The following RANBP17 variants were observed in gnomAD, a reference collection of about 807,000 sequenced individuals.
RANBP17 encodes ran-binding protein 17.
Under a neutral mutation model 141.2 loss-of-function variants are expected in RANBP17, and 158 were observed. The ratio of observed to expected loss-of-function variants is 1.12; its 90% CI spans 0.98 to 1.28. The LOEUF is 1.28. Among genes scored for constraint, RANBP17 ranks in the 50% most tolerant of loss-of-function variants. The pLI is 0.00. For synonymous variants in RANBP17, 430 were observed against 450.0 expected (o/e 0.96, Z 0.56); for missense variants, 1,438 against 1,290.7 (o/e 1.11, Z -1.75).
rs564193084 is a variant in RANBP17, at chr5:171,298,845, A to T, written c.3254A>T (p.Asp1085Val). ...SDGNTEPCSL[D>V]MMS ...GGCAACACTGAACCATGCAGTCTCGACATGATGAGCTGACCCGACTTTTCT... is the reference window on the plus strand; with the variant it reads ...GGCAACACTGAACCATGCAGTCTCGTCATGATGAGCTGACCCGACTTTTCT... Residue 1085 changes from aspartate to valine, a missense_variant, in exon 28 of 28, where the codon GAC becomes GTC. Coordinates refer to ENST00000523189, the MANE Select transcript of RANBP17 (RefSeq NM_022897.5). 6 of 1,613,994 alleles carry T rather than the reference A, an allele frequency of 3.7e-6. No individual in the cohort carries two copies. The highest frequency in any genetic ancestry group is 1.6e-4 in the Middle Eastern group (1 of 6,062).
At chr5:170,998,021 G>A (rs1025154417) in intron 14 of RANBP17, among the ~76,000 whole-genome samples, 7 of 151,586 alleles carry the variant, frequency 4.6e-5, no homozygotes, top group East Asian at 1.9e-4. Flanking sequence ...AGGCTGAGGC[G>A]GGCGGATCAC....
chr5:171,090,338 T>C (rs1157032261), intron 14 of RANBP17, among the ~76,000 whole-genome samples: 1 of 152,178 alleles, frequency 6.6e-6, no homozygotes, highest in Non-Finnish European at 1.5e-5. Flanking sequence ...TAGAGATTTG[T>C]GGAATTTGAA....
intron 14 of RANBP17, among the ~76,000 whole-genome samples, chr5:171,112,591 C>G (rs1477363655): frequency 6.6e-6 from 1 of 152,010 alleles, no homozygotes; most frequent in Non-Finnish European, 1.5e-5. Flanking sequence ...AAAGGAAACA[C>G]TGATTGACGG....
intron 5 of RANBP17, among the ~76,000 whole-genome samples, chr5:170,907,093 T>A (rs1251507508): frequency 6.6e-6 from 1 of 151,866 alleles, no homozygotes; most frequent in African/African-American, 2.4e-5. Context: ...CCAGATAAAT[T>A]CATGTAGTAT....
chr5:170,904,092 G>T, intron 5 of RANBP17: 1 of 420,354 alleles, frequency 2.4e-6, no homozygotes, highest in Non-Finnish European at 4.6e-6. Flanking sequence ...CATGGTTAGA[G>T]GAAATGTACA....
chr5:171,097,423 A>G (rs1355116008), intron 14 of RANBP17, among the ~76,000 whole-genome samples: 1 of 152,042 alleles, frequency 6.6e-6, no homozygotes, highest in African/African-American at 2.4e-5. Flanking sequence ...GTCTTCATCT[A>G]TGTAATCTCT....
chr5:170,962,532 C>T (rs1363158336), intron 13 of RANBP17, among the ~76,000 whole-genome samples: 1 of 152,194 alleles, frequency 6.6e-6, no homozygotes, highest in African/African-American at 2.4e-5. Flanking sequence ...ATTTAAGTCA[C>T]TTGACAAATC....
At chr5:170,977,451 G>A (rs1008312182) in intron 14 of RANBP17, among the ~76,000 whole-genome samples, 1 of 151,998 alleles carries the variant, frequency 6.6e-6, no homozygotes, top group African/African-American at 2.4e-5. Context: ...TCTTCAAAAG[G>A]TTAAACATAG....
intron 14 of RANBP17, among the ~76,000 whole-genome samples, chr5:171,029,865 A>G (rs539407474): frequency 1.2e-4 from 19 of 152,126 alleles, no homozygotes; most frequent in South Asian, 1.2e-3. Flanking sequence ...TGGACATTTT[A>G]AGTAAATTAG....
At chr5:171,174,768 G>GTGTGTGTA (rs1760328979) in intron 16 of RANBP17, among the ~76,000 whole-genome samples, 1 of 150,724 alleles carries the variant, frequency 6.6e-6, no homozygotes, top group African/African-American at 2.4e-5. Flanking sequence ...GTGTGTGTGT[G>GTGTGTGTA]TGTGTGTGTG....
At chr5:170,968,853 A>G in intron 14 of RANBP17, 1 of 342,778 alleles carries the variant, frequency 2.9e-6, no homozygotes, top group South Asian at 2.5e-5. Flanking sequence ...GAATACTCAT[A>G]GTATGATAAT....
chr5:171,299,034 C>T lies in RANBP17; in HGVS notation c.*176C>T. On this transcript the variant is annotated 3_prime_UTR_variant, in exon 28 of 28. Coordinates refer to ENST00000523189, the MANE Select transcript of RANBP17 (RefSeq NM_022897.5). ...CTAATTATAAGAATTTCTAACAGTA[C>T]CAGTGTAAATTCAGTCTTTTCTCTG... is the stretch of plus-strand genomic sequence containing the variant. 2 of 474,708 alleles carry T rather than the reference C, an allele frequency of 4.2e-6. No homozygotes were observed. The highest frequency in any genetic ancestry group is 7.5e-6 in the Non-Finnish European group (2 of 265,426). 29.4% of individuals were successfully genotyped at this position (474,708 alleles called of 1,614,324 possible).
At chr5:171,219,836 C>T (rs1763441620) in intron 21 of RANBP17, among the ~76,000 whole-genome samples, 1 of 151,958 alleles carries the variant, frequency 6.6e-6, no homozygotes, top group South Asian at 2.1e-4. Context: ...TGGGTTAGAA[C>T]ATGCTCCTTT....
intron 18 of RANBP17, among the ~76,000 whole-genome samples, chr5:171,184,830 T>C (rs1274534137): frequency 6.6e-6 from 1 of 152,188 alleles, no homozygotes; most frequent in Non-Finnish European, 1.5e-5. Flanking sequence ...AAGTGTGTAA[T>C]GTCATGATGT....
chr5:171,061,983 C>T (rs1285270258), intron 14 of RANBP17, among the ~76,000 whole-genome samples: 1 of 151,560 alleles, frequency 6.6e-6, no homozygotes, highest in Non-Finnish European at 1.5e-5. Flanking sequence ...GATTGCAACC[C>T]CTGCCTTTTT....
chr5:171,177,931 T>G (rs540966151), intron 16 of RANBP17, among the ~76,000 whole-genome samples: 1 of 152,290 alleles, frequency 6.6e-6, no homozygotes, highest in African/African-American at 2.4e-5. Context: ...TGTTGAGTGA[T>G]TATGACTTAA....
chr5:171,235,753 C>T (rs1196122559), intron 22 of RANBP17, among the ~76,000 whole-genome samples: 1 of 151,980 alleles, frequency 6.6e-6, no homozygotes, highest in Non-Finnish European at 1.5e-5. Context: ...TGATGCATGC[C>T]ACTACACCTG....
intron 12 of RANBP17, 128 bp downstream of exon 12, chr5:170,924,678 T>C (rs1443324310): frequency 5.2e-6 from 3 of 578,002 alleles, no homozygotes; most frequent in Middle Eastern, 4.9e-4. Context: ...TAATAAACCA[T>C]TAATTTTATT....
At chr5:171,075,556 A>G (rs974799485) in intron 14 of RANBP17, among the ~76,000 whole-genome samples, 15 of 152,224 alleles carry the variant, frequency 9.9e-5, no homozygotes, top group African/African-American at 2.4e-4. Flanking sequence ...GGCTTGGAGA[A>G]TGATGGCTAA....
Sources: gnomAD v4.1 joint callset for allele counts (sites outside exome capture counted in the v4.1 genomes callset) on GRCh38, gnomAD v4.1.1 for gene constraint, MANE v1.5 for transcripts, NCBI Gene and HGNC (gene_info 2026-07-23, HGNC 2026-07-21) for gene names.